SUGP1: variants seen among roughly 807,000 people sequenced by gnomAD.
The protein encoded by SUGP1 is SURP and G-patch domain-containing protein 1.
A neutral mutation model predicts 76.5 loss-of-function variants in SUGP1; 34 were observed. That is an observed-to-expected ratio of 0.44 (90% confidence interval 0.34 to 0.59). SUGP1 has a LOEUF of 0.59. Among genes scored for constraint, SUGP1 ranks in the 20% least tolerant of loss-of-function variants. The probability of loss-of-function intolerance (pLI) is 0.01; values close to 1 mark genes in which losing one functional copy is unlikely to be tolerated. For synonymous variants in SUGP1, 326 were observed against 326.2 expected, an observed-to-expected ratio of 1.00 and a Z score of 0.01; for missense variants, 752 against 851.7, an observed-to-expected ratio of 0.88 and a Z score of 1.46.
intron 7 of SUGP1, among the ~76,000 whole-genome samples, chr19:19,300,030 G>A (rs1370272272): frequency 1.3e-5 from 2 of 150,568 alleles, no homozygotes; most frequent in Non-Finnish European, 1.5e-5. Flanking sequence ...CACCTGCCTC[G>A]GCCTCCCAAA....
intron 1 of SUGP1, among the ~76,000 whole-genome samples, chr19:19,319,357 C>A (rs543721364): frequency 7.2e-5 from 11 of 152,114 alleles, no homozygotes; most frequent in Admixed American, 2.0e-4. Context: ...TACTGGCCCC[C>A]CTCTGTGTGG....
chr19:19,313,021 TAAA>T (rs573272638), intron 2 of SUGP1, among the ~76,000 whole-genome samples: 5 of 148,940 alleles, frequency 3.4e-5, no homozygotes, highest in African/African-American at 1.2e-4. Flanking sequence ...AATAAATAAA[TAAA>T]AAAAAACAAA....
intron 12 of SUGP1, among the ~76,000 whole-genome samples, chr19:19,277,531 G>A (rs773576345): frequency 1.4e-4 from 22 of 152,202 alleles, no homozygotes; most frequent in Non-Finnish European, 2.9e-5. Context: ...GGGGACGGAA[G>A]GAGGCCCTGG....
chr19:19,318,883 C>T (rs996979515), intron 1 of SUGP1, among the ~76,000 whole-genome samples: 1 of 152,192 alleles, frequency 6.6e-6, no homozygotes, highest in Non-Finnish European at 1.5e-5. Context: ...ACAGGGAAGA[C>T]ACCTCAGAGG....
At chr19:19,284,521 G>A (rs2061124443) in intron 8 of SUGP1, among the ~76,000 whole-genome samples, 1 of 152,064 alleles carries the variant, frequency 6.6e-6, no homozygotes, top group African/African-American at 2.4e-5. Context: ...GTCAACAGGT[G>A]TGAAAACCTT....
At chr19:19,292,475 G>A (rs1035926401) in intron 8 of SUGP1, among the ~76,000 whole-genome samples, 5 of 151,926 alleles carry the variant, frequency 3.3e-5, no homozygotes, top group African/African-American at 1.2e-4. Flanking sequence ...GCCAACATGG[G>A]CAGATCACTT....
rs753203045 is a variant in SUGP1, at chr19:19,316,544, C to T, written c.84G>A (p.Met28Ile). The T allele has an allele frequency of 7.4e-6, 12 of 1,613,962 alleles. No homozygotes were observed. In the Admixed American group the frequency reaches 1.7e-4, roughly 22 times the overall value. The change falls in exon 2 of 14, where the codon ATG (methionine) becomes ATA (isoleucine). Residue 28 changes from methionine (M) to isoleucine (I), a missense_variant. Met to Ile is a conservative substitution (Grantham distance 10, BLOSUM62 1). Transcript: ENST00000247001. The part of the protein sequence containing the change: ...FGVAPPKSGK[M>I]NMNILHQEEL... ...CTTCCTGGTGAAGGATGTTCATGTT[C>T]ATTTTTCCAGATTTAGGGGGAGCAA... is the stretch of plus-strand genomic sequence containing the variant.
Position 19,292,620 on chromosome 19 carries a change from G to A in SUGP1, c.1243+4369C>T, listed in dbSNP as rs139939878. On this transcript the variant is annotated intron_variant, in intron 8 of 13. Coordinates refer to ENST00000247001, the MANE Select transcript of SUGP1 (RefSeq NM_172231.4). The stretch of plus-strand genomic sequence containing the variant: ...GTGGAGATTGCAGTAAGCTGAGATC[G>A]CGCTACTGCACTCCAGCCTGGGCAA... Among the ~76,000 whole-genome samples the A allele has an allele frequency of 4.5e-3, 683 of 151,976 alleles. 3 individuals carry two copies. Among genetic ancestry groups the A allele is most frequent in the South Asian group, 0.031 (151 of 4,816 alleles).
chr19:19,297,412 A>AGCAGTTCTGGCCTTCTGGGCAGGT lies in SUGP1; in HGVS notation c.888-69_888-68insACCTGCCCAGAAGGCCAGAACTGC. ...GGCCCTGTCCCTGATTCTGGGCAGG[A>AGCAGTTCTGGCCTTCTGGGCAGGT]GCAGTTCTGGCCTTGTGTGCCCACG... On this transcript the variant is annotated intron_variant, in intron 7 of 13. Coordinates refer to ENST00000247001, the MANE Select transcript of SUGP1 (RefSeq NM_172231.4). 4 of 1,375,068 alleles carry AGCAGTTCTGGCCTTCTGGGCAGGT rather than the reference A, an allele frequency of 2.9e-6. 1 individual carries two copies. The highest frequency in any genetic ancestry group is 3.8e-4 in the Middle Eastern group (2 of 5,304). 85.2% of individuals were successfully genotyped at this position (1,375,068 alleles called of 1,614,324 possible).
intron 3 of SUGP1, among the ~76,000 whole-genome samples, chr19:19,307,010 G>A (rs2061322802): frequency 6.6e-6 from 1 of 152,088 alleles, no homozygotes; most frequent in African/African-American, 2.4e-5. Context: ...AGGGCCCCCG[G>A]ATCATGAAAG....
intron 4 of SUGP1, among the ~76,000 whole-genome samples, chr19:19,305,197 C>G (rs538826460): frequency 2.0e-5 from 3 of 152,332 alleles, no homozygotes; most frequent in Admixed American, 6.5e-5. Flanking sequence ...TCGCTTCAGT[C>G]TGTGCTGTCA....
At chr19:19,313,004 T>TA (rs1390982271) in intron 2 of SUGP1, among the ~76,000 whole-genome samples, 3 of 144,522 alleles carry the variant, frequency 2.1e-5, no homozygotes, top group African/African-American at 7.7e-5. Flanking sequence ...AAAAAATAAA[T>TA]AAATAAAATA....
chr19:19,303,786 T>C lies in SUGP1; in HGVS notation c.600A>G (p.Ala200=), dbSNP rs2061292448. The C allele has an allele frequency of 6.2e-7, 1 of 1,614,114 alleles. No homozygotes were observed. Among genetic ancestry groups the C allele is most frequent in the Non-Finnish European group, 8.5e-7 (1 of 1,180,058 alleles). Residue 200 remains alanine (A), a synonymous_variant, in exon 5 of 14, where the codon GCA becomes GCG. Transcript: ENST00000247001. ...KVIEKLARFV[A]EGGPELEKVA... is the part of the protein sequence containing the mutation. ...CTTTTTCTAACTCGGGGCCTCCTTCTGCCACAAAGCGGGCCAATTTCTCTA... is the reference window on the plus strand; with the variant it reads ...CTTTTTCTAACTCGGGGCCTCCTTCCGCCACAAAGCGGGCCAATTTCTCTA...
Position 19,290,935 on chromosome 19 carries a change from G to C in SUGP1, c.1243+6054C>G, listed in dbSNP as rs183452382. 3.9e-3 allele frequency among the ~76,000 whole-genome samples: 589 copies of C among 152,132 alleles called. 3 individuals carry two copies. Among genetic ancestry groups the C allele is most frequent in the African/African-American group, 0.014 (562 of 41,492 alleles). On this transcript the variant is annotated intron_variant, in intron 8 of 13. Coordinates refer to ENST00000247001, the MANE Select transcript of SUGP1 (RefSeq NM_172231.4). Reference sequence around the variant, plus strand: ...AGCTCGAGACCAGCCTGGCCAACATGGTGAAACCCCGTCTCTACTAAAAAT... The same window carrying C: ...AGCTCGAGACCAGCCTGGCCAACATCGTGAAACCCCGTCTCTACTAAAAAT...
At position 19,280,237 on chromosome 19, in the gene SUGP1, C is replaced by T. The variant is rs776145667; in HGVS notation, c.1298G>A (p.Gly433Asp). Reference protein sequence around the residue: ...YEKGKPVGLVGVTELSDAQKK... With the variant: ...YEKGKPVGLVDVTELSDAQKK... ...CTGGGCGTCTGAAAGCTCTGTGACG[C>T]CCACTAGACCCACAGGCTTCCCCTT... Residue 433 changes from glycine to aspartate, a missense_variant, in exon 9 of 14, where the codon GGC becomes GAC. Gly to Asp is a moderately conservative substitution (Grantham distance 94, BLOSUM62 -1). Around this residue, in one of 2 missense-constraint regions of SUGP1, gnomAD observed 620 missense variants for 617.3 expected, o/e 1.00. Coordinates refer to ENST00000247001, the MANE Select transcript of SUGP1 (RefSeq NM_172231.4). 1 of 1,613,994 alleles carries T rather than the reference C, an allele frequency of 6.2e-7. No homozygotes were observed. Among genetic ancestry groups the T allele is most frequent in the Non-Finnish European group, 8.5e-7 (1 of 1,179,960 alleles).
At chr19:19,298,362 G>A (rs1167682271) in intron 7 of SUGP1, among the ~76,000 whole-genome samples, 3 of 152,174 alleles carry the variant, frequency 2.0e-5, no homozygotes, top group Non-Finnish European at 4.4e-5. Flanking sequence ...GCTGGGCGTG[G>A]TGGTACACGC....
intron 3 of SUGP1, 147 bp from the exon 4 acceptor site, chr19:19,306,223 C>A: frequency 5.7e-6 from 4 of 705,524 alleles, no homozygotes; most frequent in Non-Finnish European, 9.0e-6. Context: ...CCTGATTTTA[C>A]AGATGGGGAC....
intron 8 of SUGP1, among the ~76,000 whole-genome samples, chr19:19,296,717 G>C (rs527262845): frequency 6.6e-6 from 1 of 152,048 alleles, no homozygotes; most frequent in South Asian, 2.1e-4. Flanking sequence ...TCCACACCTA[G>C]GTATACCGAC....
At chr19:19,305,733 CT>C (rs2061311296) in intron 4 of SUGP1, 115 bp downstream of exon 4, 3 of 1,038,992 alleles carry the variant, frequency 2.9e-6, no homozygotes, top group Non-Finnish European at 4.2e-6. Flanking sequence ...GGTCTGGTGG[CT>C]GCAACTCAGC....
Sources: allele counts gnomAD v4.1 joint callset (sites outside exome capture counted in the v4.1 genomes callset), GRCh38; gene constraint gnomAD v4.1.1; regional missense constraint gnomAD v4.1.1; transcripts MANE v1.5; gene names NCBI Gene and HGNC (gene_info 2026-07-23, HGNC 2026-07-21).